The following ADGRD2 variants were observed in gnomAD, a reference collection of about 807,000 sequenced individuals.
The protein encoded by ADGRD2 is adhesion G protein-coupled receptor D2, also known as G protein-coupled receptor PGR24.
In ADGRD2, 71 loss-of-function variants were observed where a neutral mutation model predicts 44.4. That is an observed-to-expected ratio of 1.60 (90% CI 1.32 to 1.95). The LOEUF is 1.95. Ranked by LOEUF, ADGRD2 falls within the 30% of genes most tolerant of loss-of-function variation. The pLI is 0.00. For synonymous variants in ADGRD2, 481 were observed against 224.8 expected (o/e 2.14, Z -10.19); for missense variants, 1,039 against 512.4 (o/e 2.03, Z -9.92).
At chr9:124,452,355 G>A in intron 1 of ADGRD2, 155 bp from the exon 5 acceptor site, 2 of 649,936 alleles carry the variant, frequency 3.1e-6, no homozygotes, top group Non-Finnish European at 5.7e-6. Context: ...AAAGAGCTCT[G>A]CAAGAGGACA....
chr9:124,456,515 G>T, intron 6 of ADGRD2, 107 bp from the exon 10 acceptor site: 1 of 669,748 alleles, frequency 1.5e-6, no homozygotes, highest in South Asian at 1.6e-5. Context: ...AGGGTCTGGA[G>T]AGGGCAGGAC....
At chr9:124,474,044 G>C (rs145590487) in intron 17 of ADGRD2, among the ~76,000 whole-genome samples, 2 of 152,252 alleles carry the variant, frequency 1.3e-5, no homozygotes, top group African/African-American at 4.8e-5. Flanking sequence ...GGGAGGCCGA[G>C]GCGGGTGGAT....
In ADGRD2 at chr9:124,466,429, G is replaced by A. The variant is rs1831826095; in HGVS notation, c.2026+16G>A. 1.5e-6 allele frequency: 1 copy of A among 672,752 alleles called. No individual in the cohort carries two copies. Among genetic ancestry groups the A allele is most frequent in the African/African-American group, 1.8e-5 (1 of 55,894 alleles). 41.7% of individuals were successfully genotyped at this position (672,752 alleles called of 1,614,324 possible). On this transcript the variant is annotated intron_variant, in intron 11 of 21. Coordinates refer to ENST00000334810, the Ensembl canonical transcript of ADGRD2. ...TGAAGTACAGGTGAGTGCACGGTGG[G>A]AGGGGGGTGTCAGGAGGGGGCTTCT...
chr9:124,468,375 G>A (rs1242266771), intron 13 of ADGRD2, 144 bp from the exon 17 acceptor site: 2 of 679,600 alleles, frequency 2.9e-6, no homozygotes, highest in East Asian at 5.4e-5. Context: ...CCCGAATGGT[G>A]GAGCGGGGCC....
exon 14 of ADGRD2, chr9:124,468,659 C>A (rs765971009): frequency 1.4e-6 from 1 of 716,772 alleles, no homozygotes; most frequent in Non-Finnish European, 2.6e-6. Context: ...GGCTCTACCA[C>A]GCCACAGGCT....
rs780265344 is a variant in ADGRD2 at position 124,454,878 on chromosome 9, C to T, written c.1146C>T (p.Ala382=). The T allele has an allele frequency of 4.2e-6, 3 of 711,100 alleles. No homozygotes were observed. Among genetic ancestry groups the T allele is most frequent in the South Asian group, 3.0e-5 (2 of 67,578 alleles). 44.0% of individuals were successfully genotyped at this position (711,100 alleles called of 1,614,324 possible). A position where few individuals can be genotyped will look rare whatever the true frequency, so the allele number is the denominator to read the frequency against. Residue 382 remains alanine (A), a synonymous_variant, in exon 6 of 22, where the codon GCC becomes GCT. Transcript: ENST00000334810. This position sits in a 1 kb window ranked among gnomAD's most constrained non-coding sequence, Gnocchi z 4.5. Reference sequence around the variant, plus strand: ...ACCCCCTCTCCGAAGTCCATGGGGCCCTGTCCCCAGCGGAGGCCTCCAGCT... The same window carrying T: ...ACCCCCTCTCCGAAGTCCATGGGGCTCTGTCCCCAGCGGAGGCCTCCAGCT...
At chr9:124,471,116 C>A (rs1831938765) in intron 17 of ADGRD2, among the ~76,000 whole-genome samples, 1 of 152,046 alleles carries the variant, frequency 6.6e-6, no homozygotes, top group Non-Finnish European at 1.5e-5. Context: ...GTGCTAGAAC[C>A]ACAGGGAGAG....
chr9:124,468,982 G>A (rs111814668), intron 14 of ADGRD2, among the ~76,000 whole-genome samples: 2,231 of 152,194 alleles, frequency 0.015, 57 homozygotes, highest in African/African-American at 0.051. Context: ...CCCAGCCTCC[G>A]TCTCCAGAGA....
exon 3 of ADGRD2, chr9:124,453,464 A>G: frequency 1.4e-6 from 1 of 696,582 alleles, no homozygotes; most frequent in Non-Finnish European, 2.6e-6. Context: ...CAGGATCAGG[A>G]CTCTCTGGGC....
chr9:124,470,168 C>T (rs927273312), intron 16 of ADGRD2, among the ~76,000 whole-genome samples: 14 of 151,736 alleles, frequency 9.2e-5, no homozygotes, highest in African/African-American at 3.4e-4. Context: ...GGGAGTCCTT[C>T]TAACCCCATC....
exon 7 of ADGRD2, chr9:124,456,727 C>T: frequency 1.4e-6 from 1 of 708,048 alleles, no homozygotes; most frequent in Non-Finnish European, 2.6e-6. Context: ...CCAGCACCGC[C>T]ATGCTGGTGA....
At chr9:124,458,181 C>T in exon 9 of ADGRD2, 2 of 718,520 alleles carry the variant, frequency 2.8e-6, no homozygotes, top group Non-Finnish European at 5.2e-6. Flanking sequence ...CCTAGAGGGA[C>T]CGGACCTAGA....
In ADGRD2 at chr9:124,454,872, T is replaced by C; in HGVS notation, c.1140T>C (p.His380=). 2.8e-6 allele frequency: 2 copies of C among 709,538 alleles called. No homozygotes were observed. Among genetic ancestry groups the C allele is most frequent in the Non-Finnish European group, 5.2e-6 (2 of 384,150 alleles). The allele number at this position is 709,538 out of a possible 1,614,324, so 44.0% of individuals were successfully genotyped here. The change falls in exon 6 of 22, where the codon CAT becomes CAC. Residue 380 remains histidine (H), a synonymous_variant. Transcript: ENST00000334810. This position sits in a 1 kb window ranked among gnomAD's most constrained non-coding sequence, Gnocchi z 4.5. Reference sequence around the variant, plus strand: ...TCCCGGACCCCCTCTCCGAAGTCCATGGGGCCCTGTCCCCAGCGGAGGCCT... The same window carrying C: ...TCCCGGACCCCCTCTCCGAAGTCCACGGGGCCCTGTCCCCAGCGGAGGCCT...
At chr9:124,467,871 C>T in intron 12 of ADGRD2, 47 bp downstream of exon 15, 1 of 716,850 alleles carries the variant, frequency 1.4e-6, no homozygotes, top group South Asian at 1.5e-5. Context: ...GCCCTCCCGC[C>T]TCGCTCAGGC....
At chr9:124,475,124 T>C (rs940372963) in intron 17 of ADGRD2, among the ~76,000 whole-genome samples, 2 of 152,164 alleles carry the variant, frequency 1.3e-5, no homozygotes, top group African/African-American at 4.8e-5. Flanking sequence ...CCCCACCACA[T>C]AGCATGGCGA....
upstream of ADGRD2, chr9:124,452,046 G>T: frequency 1.9e-6 from 1 of 513,136 alleles, no homozygotes; most frequent in South Asian, 1.6e-5. Flanking sequence ...CTGCAAGTGT[G>T]AGGGGAGGGT....
upstream of ADGRD2, among the ~76,000 whole-genome samples, chr9:124,450,635 C>CG (rs939204120): frequency 6.6e-6 from 1 of 152,224 alleles, no homozygotes; most frequent in Non-Finnish European, 1.5e-5. Flanking sequence ...ATCTCCCTCT[C>CG]GGGCCTCAAC....
intron 10 of ADGRD2, among the ~76,000 whole-genome samples, chr9:124,458,988 T>A (rs1368269945): frequency 2.0e-5 from 3 of 152,210 alleles, no homozygotes; most frequent in African/African-American, 7.2e-5. Context: ...CTGACGTGAT[T>A]GGCCCCAGCT....
chr9:124,452,206 G>C (rs1330562026), intron 1 of ADGRD2, 52 bp downstream of exon 4: 1 of 676,676 alleles, frequency 1.5e-6, no homozygotes, highest in South Asian at 1.6e-5. Context: ...AGCTAAGCAA[G>C]TCTGTGATCC....
Sources: allele counts gnomAD v4.1 joint callset (sites outside exome capture counted in the v4.1 genomes callset), GRCh38; gene constraint gnomAD v4.1.1; non-coding constraint Gnocchi (gnomAD v3.1); transcripts MANE v1.5; gene names NCBI Gene and HGNC (gene_info 2026-07-23, HGNC 2026-07-21).